Variants in ZZZ3 observed in about 807,000 individuals in gnomAD.
ZZZ3 encodes ZZ-type zinc finger-containing protein 3.
In ZZZ3, 22 loss-of-function variants were observed where a neutral mutation model predicts 95.2. The ratio of observed to expected loss-of-function variants is 0.23; its 90% CI spans 0.17 to 0.33. The LOEUF is 0.33. Ranked by LOEUF, ZZZ3 falls within the 10% of genes least tolerant of loss-of-function variation. The pLI is 1.00. For missense variants in ZZZ3, 885 were observed against 1,066.5 expected, an observed-to-expected ratio of 0.83 and a Z score of 2.37; for synonymous variants, 335 against 358.9, an observed-to-expected ratio of 0.93 and a Z score of 0.75.
intron 5 of ZZZ3, among the ~76,000 whole-genome samples, chr1:77,615,181 T>C (rs912223016): frequency 4.6e-5 from 7 of 152,238 alleles, no homozygotes; most frequent in African/African-American, 1.7e-4. Flanking sequence ...TCACAGTAAA[T>C]GAATTTTGGA....
intron 1 of ZZZ3, among the ~76,000 whole-genome samples, chr1:77,649,551 T>C (rs780079969): frequency 7.2e-5 from 11 of 152,014 alleles, no homozygotes; most frequent in African/African-American, 1.4e-4. Context: ...CAAAGGAATA[T>C]AGAGCACCAG....
At chr1:77,582,977 C>T (rs960907234) in intron 6 of ZZZ3, among the ~76,000 whole-genome samples, 57 of 152,014 alleles carry the variant, frequency 3.7e-4, no homozygotes, top group Non-Finnish European at 6.2e-4. Flanking sequence ...TAGTACAGTG[C>T]ATTTGCAGTC....
intron 5 of ZZZ3, among the ~76,000 whole-genome samples, chr1:77,593,570 G>C (rs1297935114): frequency 6.6e-6 from 1 of 152,134 alleles, no homozygotes; most frequent in Non-Finnish European, 1.5e-5. Context: ...TCTGGGAAGA[G>C]GAAAGGGGCA....
At chr1:77,609,800 G>T (rs1314925359) in intron 5 of ZZZ3, among the ~76,000 whole-genome samples, 1 of 152,006 alleles carries the variant, frequency 6.6e-6, no homozygotes, top group Non-Finnish European at 1.5e-5. Flanking sequence ...GTGGGTCAAT[G>T]AAGAAATTTA....
intron 11 of ZZZ3, among the ~76,000 whole-genome samples, chr1:77,577,373 T>G (rs1216254225): frequency 1.3e-5 from 2 of 152,212 alleles, no homozygotes; most frequent in Non-Finnish European, 2.9e-5. Context: ...AGCTCTTACA[T>G]TAAACACAGG....
intron 12 of ZZZ3, among the ~76,000 whole-genome samples, chr1:77,573,837 A>C (rs909331647): frequency 2.0e-5 from 3 of 152,054 alleles, no homozygotes; most frequent in Non-Finnish European, 4.4e-5. Context: ...CTATATAATC[A>C]GAGTATTAAG....
At chr1:77,673,928 C>T (rs1672015847) in intron 1 of ZZZ3, among the ~76,000 whole-genome samples, 1 of 150,556 alleles carries the variant, frequency 6.6e-6, no homozygotes, top group Non-Finnish European at 1.5e-5. Context: ...GAAAAGCAAG[C>T]TACCAAGTCA....
chr1:77,658,602 G>A (rs866601494), intron 1 of ZZZ3, among the ~76,000 whole-genome samples: 18 of 151,228 alleles, frequency 1.2e-4, no homozygotes, highest in Middle Eastern at 3.4e-3. Flanking sequence ...GGGCTCAAGC[G>A]ATCCTCCCGC....
intron 6 of ZZZ3, among the ~76,000 whole-genome samples, chr1:77,584,129 T>G (rs1662819375): frequency 6.6e-6 from 1 of 152,174 alleles, no homozygotes; most frequent in South Asian, 2.1e-4. Context: ...TGTGCAAAAG[T>G]AGCCCAGAAA....
chr1:77,565,793 A>T lies in ZZZ3; in HGVS notation c.2568-9T>A. 1 of 1,606,506 alleles carries T rather than the reference A, an allele frequency of 6.2e-7. No individual in the cohort carries two copies. Among genetic ancestry groups the T allele is most frequent in the Non-Finnish European group, 8.5e-7 (1 of 1,176,518 alleles). On this transcript the variant is annotated splice_polypyrimidine_tract_variant and intron_variant, in intron 14 of 14. Coordinates refer to ENST00000370801, the MANE Select transcript of ZZZ3 (RefSeq NM_015534.6). ...TATCTGTTTCATGTAGACTGTAAAGAAAAAAAGACACACATCATTACATGG... is the reference window on the plus strand; with the variant it reads ...TATCTGTTTCATGTAGACTGTAAAGTAAAAAAGACACACATCATTACATGG...
At chr1:77,620,033 T>A (rs892018235) in intron 5 of ZZZ3, among the ~76,000 whole-genome samples, 1 of 151,984 alleles carries the variant, frequency 6.6e-6, no homozygotes, top group African/African-American at 2.4e-5. Flanking sequence ...TTGTACACAT[T>A]TACAGGCAAT....
intron 1 of ZZZ3, among the ~76,000 whole-genome samples, chr1:77,664,522 C>T (rs551905658): frequency 6.6e-6 from 1 of 152,140 alleles, no homozygotes; most frequent in Admixed American, 6.5e-5. Flanking sequence ...ACATACAGTG[C>T]CTTAACATTA....
intron 5 of ZZZ3, among the ~76,000 whole-genome samples, chr1:77,627,009 A>G (rs1667398321): frequency 6.6e-6 from 1 of 152,176 alleles, no homozygotes; most frequent in Non-Finnish European, 1.5e-5. Context: ...AATCATGACT[A>G]CAATTACAGA....
intron 1 of ZZZ3, among the ~76,000 whole-genome samples, chr1:77,659,193 T>C (rs1007771091): frequency 3.9e-5 from 6 of 151,966 alleles, no homozygotes; most frequent in Admixed American, 2.6e-4. Context: ...ATATAAAATA[T>C]ATATTTCTGA....
intron 5 of ZZZ3, among the ~76,000 whole-genome samples, chr1:77,609,656 A>G (rs1310849412): frequency 6.6e-6 from 1 of 152,136 alleles, no homozygotes; most frequent in Non-Finnish European, 1.5e-5. Context: ...AAGTCTTAAA[A>G]CATTCAAAAA....
At chr1:77,670,443 G>C (rs1671660488) in intron 1 of ZZZ3, among the ~76,000 whole-genome samples, 1 of 152,004 alleles carries the variant, frequency 6.6e-6, no homozygotes, top group South Asian at 2.1e-4. Context: ...TGTTTTAGTA[G>C]AGATGGGGTT....
intron 8 of ZZZ3, 136 bp from the exon 9 acceptor site, chr1:77,581,205 G>A: frequency 1.4e-6 from 1 of 693,144 alleles, no homozygotes; most frequent in Non-Finnish European, 2.4e-6. Flanking sequence ...TAATGTATAT[G>A]CTTTTTTTTT....
chr1:77,580,868 C>T, intron 9 of ZZZ3, 130 bp downstream of exon 9: 2 of 719,202 alleles, frequency 2.8e-6, no homozygotes, highest in South Asian at 3.5e-5. Flanking sequence ...TCAAGTGATC[C>T]ACCCATATCA....
At chr1:77,572,742 T>C (rs770280133) in intron 12 of ZZZ3, among the ~76,000 whole-genome samples, 5 of 152,066 alleles carry the variant, frequency 3.3e-5, no homozygotes, top group Non-Finnish European at 7.4e-5. Flanking sequence ...GCTCAAGTGA[T>C]CCTCCCATCT....
Sources: gnomAD v4.1 joint callset for allele counts (sites outside exome capture counted in the v4.1 genomes callset) on GRCh38, gnomAD v4.1.1 for gene constraint, MANE v1.5 for transcripts, NCBI Gene and HGNC (gene_info 2026-07-23, HGNC 2026-07-21) for gene names.